The following DDB1 variants were observed in gnomAD, a reference collection of about 807,000 sequenced individuals.
The protein encoded by DDB1 is damage specific DNA binding protein 1, also known as DNA damage-binding protein 1.
A neutral mutation model predicts 133.1 loss-of-function variants in DDB1; 18 were observed. That is an observed-to-expected ratio of 0.14 (90% CI 0.09 to 0.20). DDB1 has a LOEUF of 0.20. Ranked by LOEUF, DDB1 falls within the 10% of genes least tolerant of loss-of-function variation. DDB1 has a pLI of 1.00. For missense variants in DDB1, 828 were observed against 1,459.2 expected (o/e 0.57, Z 7.05); for synonymous variants, 580 against 550.5 (o/e 1.05, Z -0.75).
intron 2 of DDB1, among the ~76,000 whole-genome samples, chr11:61,331,314 G>A (rs967116838): frequency 3.3e-5 from 5 of 151,968 alleles, no homozygotes; most frequent in Admixed American, 1.3e-4. Flanking sequence ...CCAAGAATTC[G>A]CAAAACAACC....
At position 61,329,591 on chromosome 11, in the gene DDB1, A is replaced by C; in HGVS notation, c.328-7T>G. On this transcript the variant is annotated splice_region_variant and splice_polypyrimidine_tract_variant and intron_variant, in intron 3 of 26. Coordinates refer to ENST00000301764, the MANE Select transcript of DDB1 (RefSeq NM_001923.5). The stretch of plus-strand genomic sequence containing the variant: ...AGGGGCGGCCAATGCGGTCCTGAGA[A>C]ACAAAATCGGGATTAGGGAAGAACC... 1 of 1,602,082 alleles carries C rather than the reference A, an allele frequency of 6.2e-7. No homozygotes were observed. The highest frequency in any genetic ancestry group is 8.5e-7 in the Non-Finnish European group (1 of 1,173,854).
chr11:61,316,962 T>G lies in DDB1; in HGVS notation c.1226-395A>C, dbSNP rs369608812. On this transcript the variant is annotated intron_variant, in intron 10 of 26. Transcript: ENST00000301764. ...AAAAGGATAGATATATATATATATA[T>G]ATATATATATATATATATATATATA... is the stretch of plus-strand genomic sequence containing the variant. Among the ~76,000 whole-genome samples, 11 of 24,102 alleles carry G rather than the reference T, an allele frequency of 4.6e-4. 1 individual carries two copies. Among genetic ancestry groups the G allele is most frequent in the East Asian group, 1.8e-3 (2 of 1,106 alleles). The allele number at this position is 24,102 out of a possible 152,430, so 15.8% of individuals were successfully genotyped here. A position where few individuals can be genotyped will look rare whatever the true frequency, so the allele number is the denominator to read the frequency against.
At chr11:61,324,354 A>G (rs1327589339) in intron 6 of DDB1, 2 of 517,036 alleles carry the variant, frequency 3.9e-6, no homozygotes, top group East Asian at 6.8e-5. Context: ...CGCTCCATCA[A>G]TATATCTTAT....
chr11:61,307,057 T>G (rs971271351), intron 21 of DDB1, among the ~76,000 whole-genome samples: 9 of 152,202 alleles, frequency 5.9e-5, no homozygotes, highest in African/African-American at 1.9e-4. Flanking sequence ...AACTTCCACA[T>G]CTGTTCCCTT....
rs1473164759 is a variant in DDB1, at chr11:61,300,077, G to A, written c.*59C>T. 1.3e-6 allele frequency: 2 copies of A among 1,554,276 alleles called. No homozygotes were observed. The highest frequency in any genetic ancestry group is 1.8e-6 in the Non-Finnish European group (2 of 1,127,176). On this transcript the variant is annotated 3_prime_UTR_variant, in exon 27 of 27. Transcript: ENST00000301764. ...CAAGAAGACGATGGTGGAGAGGAGG[G>A]GGAGGGCAGCAGGGCAAAGCCTTTG...
At chr11:61,320,552 G>A (rs963867816) in intron 10 of DDB1, among the ~76,000 whole-genome samples, 5 of 150,728 alleles carry the variant, frequency 3.3e-5, no homozygotes, top group Non-Finnish European at 4.4e-5. Context: ...TTCATATTCT[G>A]AATTACTCCT....
rs570394588 is a variant in DDB1 at position 61,326,649 on chromosome 11, G to C, written c.664+130C>G. 68 of 781,244 alleles carry C rather than the reference G, an allele frequency of 8.7e-5. No homozygotes were observed. The African/African-American group carries it at 1.1e-3, about 12-fold the overall frequency. The allele number at this position is 781,244 out of a possible 1,614,324, so 48.4% of individuals were successfully genotyped here. On this transcript the variant is annotated intron_variant, in intron 5 of 26. Coordinates refer to ENST00000301764, the MANE Select transcript of DDB1 (RefSeq NM_001923.5). The stretch of plus-strand genomic sequence containing the variant: ...AATTAGAGAAAGAAAACATAAAGGA[G>C]TGGTAAACAATGCACACCTTCAATA...
intron 1 of DDB1, 74 bp downstream of exon 1, chr11:61,332,834 G>GC (rs1245491032): frequency 2.3e-6 from 3 of 1,313,134 alleles, no homozygotes; most frequent in Admixed American, 3.7e-5. Context: ...CGCCCCCGGG[G>GC]CGGCGGGCCT....
intron 21 of DDB1, among the ~76,000 whole-genome samples, chr11:61,307,826 T>C (rs1011026070): frequency 4.6e-5 from 7 of 152,166 alleles, no homozygotes; most frequent in Non-Finnish European, 8.8e-5. Flanking sequence ...CGACCCTTTA[T>C]TCCTCTGCCT....
At chr11:61,308,768 A>T (rs1249298614) in intron 21 of DDB1, among the ~76,000 whole-genome samples, 1 of 152,196 alleles carries the variant, frequency 6.6e-6, no homozygotes, top group African/African-American at 2.4e-5. Flanking sequence ...CACAGCACTC[A>T]GGATCTGAAA....
chr11:61,316,752 T>C (rs1363617178), intron 10 of DDB1, among the ~76,000 whole-genome samples, 185 bp from the exon 11 acceptor site: 6 of 150,992 alleles, frequency 4.0e-5, no homozygotes, highest in Non-Finnish European at 7.4e-5. Flanking sequence ...AGAGACCTTG[T>C]CCCTGCTAAA....
At position 61,313,678 on chromosome 11, in the gene DDB1, A is replaced by T; in HGVS notation, c.1890T>A (p.Thr630=). 1 of 1,613,508 alleles carries T rather than the reference A, an allele frequency of 6.2e-7. No individual in the cohort carries two copies. ...TCAATACGGTGGGCTGGGTGCCCAA[A>T]GTCACCTTCTTACGGTCGCTCAACA... ...TGLLSDRKKV[T]LGTQPTVLRT... Residue 630 remains threonine, a synonymous_variant, in exon 16 of 27, where the codon ACT becomes ACA. Transcript: ENST00000301764.
At chr11:61,316,760 A>C (rs1225853728) in intron 10 of DDB1, among the ~76,000 whole-genome samples, 193 bp from the exon 11 acceptor site, 1 of 151,106 alleles carries the variant, frequency 6.6e-6, no homozygotes, top group African/African-American at 2.4e-5. Flanking sequence ...TGTCCCTGCT[A>C]AAAATACAAA....
intron 10 of DDB1, among the ~76,000 whole-genome samples, chr11:61,320,818 T>C (rs1019778939): frequency 3.3e-5 from 5 of 152,226 alleles, no homozygotes; most frequent in South Asian, 2.1e-4. Context: ...CTATGTTCCA[T>C]ATCAATTCTG....
At chr11:61,331,004 T>C (rs1187957496) in intron 2 of DDB1, among the ~76,000 whole-genome samples, 2 of 152,174 alleles carry the variant, frequency 1.3e-5, no homozygotes, top group Non-Finnish European at 2.9e-5. Flanking sequence ...ATAGGCCCTA[T>C]GTTACTGAAT....
intron 22 of DDB1, 62 bp downstream of exon 22, chr11:61,303,803 A>G (rs773553532): frequency 5.8e-5 from 92 of 1,585,998 alleles, no homozygotes; most frequent in Non-Finnish European, 7.8e-5. Flanking sequence ...TCCCCACCAG[A>G]GACACTTGCA....
Position 61,313,609 on chromosome 11 carries a change from A to T in DDB1, c.1959T>A (p.Ser653=). ...TGCTATAGATGACAGTGGGGCGGTC[A>T]GAACAAGCAAAGACGTTGGTGGTAG... The part of the protein sequence containing the change: ...SLSTTNVFAC[S]DRPTVIYSSN... The change falls in exon 16 of 27, where the codon TCT becomes TCA. Residue 653 remains serine, a synonymous_variant. Coordinates refer to ENST00000301764, the MANE Select transcript of DDB1 (RefSeq NM_001923.5). 1 of 1,614,210 alleles carries T rather than the reference A, an allele frequency of 6.2e-7. No homozygotes were observed. Among genetic ancestry groups the T allele is most frequent in the Non-Finnish European group, 8.5e-7 (1 of 1,180,044 alleles).
In DDB1 at chr11:61,333,102, G is replaced by C. The variant is rs1022019291; in HGVS notation, c.-134C>G. The C allele has an allele frequency of 1.3e-6, 1 of 774,824 alleles. No individual in the cohort carries two copies. Among genetic ancestry groups the C allele is most frequent in the Non-Finnish European group, 1.8e-6 (1 of 541,698 alleles). The allele number at this position is 774,824 out of a possible 1,614,324, so 48.0% of individuals were successfully genotyped here. A position where few individuals can be genotyped will look rare whatever the true frequency, so the allele number is the denominator to read the frequency against. Reference sequence around the variant, plus strand: ...GCCTCCGCCCCAGAGACACGTTGCAGGCCAGAGCGGCCGGGGCGCGGGGCA... The same window carrying C: ...GCCTCCGCCCCAGAGACACGTTGCACGCCAGAGCGGCCGGGGCGCGGGGCA... On this transcript the variant is annotated 5_prime_UTR_variant, in exon 1 of 27. Coordinates refer to ENST00000301764, the MANE Select transcript of DDB1 (RefSeq NM_001923.5).
intron 18 of DDB1, chr11:61,311,333 C>T (rs1855967065): frequency 6.3e-6 from 1 of 158,248 alleles, no homozygotes; most frequent in Non-Finnish European, 1.4e-5. Context: ...CATAACATAA[C>T]ATAACATAAC....
Sources: allele counts gnomAD v4.1 joint callset (sites outside exome capture counted in the v4.1 genomes callset), GRCh38; gene constraint gnomAD v4.1.1; transcripts MANE v1.5; gene names NCBI Gene and HGNC (gene_info 2026-07-23, HGNC 2026-07-21).